The following F5 variants were observed in gnomAD, a reference collection of about 807,000 sequenced individuals.
The protein encoded by F5 is coagulation factor V.
A neutral mutation model predicts 216.4 loss-of-function variants in F5; 138 were observed. The ratio of observed to expected loss-of-function variants is 0.64; its 90% CI spans 0.56 to 0.73. The LOEUF is 0.73. Among genes scored for constraint, F5 ranks in the 30% least tolerant of loss-of-function variants. The pLI is 0.00. For missense variants in F5, 2,403 were observed against 2,674.0 expected (o/e 0.90, Z 2.24); for synonymous variants, 916 against 930.7 (o/e 0.98, Z 0.29).
rs750086339 is a variant in F5, at chr1:169,525,991, C to T, written c.5626G>A (p.Ala1876Thr). ...PGSFKTLEMK[A>T]SKPGWWLLNT... is the part of the protein sequence containing the mutation. ...AGGAGCCACCAGCCAGGTTTTGATG[C>T]CTTCATTTCAAGAGTTTTAAATGAA... The change falls in exon 18 of 25, where the codon GCA becomes ACA. Residue 1876 changes from alanine (A) to threonine (T), a missense_variant. Physicochemically the swap from Ala to Thr is moderately conservative, Grantham distance 58. Transcript: ENST00000367797. The T allele has an allele frequency of 1.9e-6, 3 of 1,612,648 alleles. No individual in the cohort carries two copies. Among genetic ancestry groups the T allele is most frequent in the South Asian group, 1.1e-5 (1 of 91,062 alleles).
rs554050262 is a variant in F5 at position 169,559,154 on chromosome 1, T to C, written c.729A>G (p.Pro243=). The C allele has an allele frequency of 6.2e-7, 1 of 1,613,796 alleles. No individual in the cohort carries two copies. Residue 243 remains proline (P), a splice_region_variant and synonymous_variant, in exon 5 of 25, where the codon CCA becomes CCG. Transcript: ENST00000367797. The stretch of plus-strand genomic sequence containing the variant: ...AATGGTACACAGCCCTCGTGTTACC[T>C]GGCATTGTCCCATTCACATATCCAT... ...TVNGYVNGTM[P]DITVCAHDHI... is the part of the protein sequence containing the mutation.
chr1:169,550,816 T>A, intron 8 of F5, 77 bp from the exon 9 acceptor site: 1 of 1,112,682 alleles, frequency 9.0e-7, no homozygotes, highest in Non-Finnish European at 1.4e-6. Flanking sequence ...GCTTTGCATA[T>A]TCACCTTTTG....
At position 169,556,528 on chromosome 1, in the gene F5, T is replaced by C. The variant is rs2239853; in HGVS notation, c.952+118A>G. 499,073 of 923,302 alleles carry C rather than the reference T, an allele frequency of 0.54. 140,743 individuals carry two copies. The highest frequency in any genetic ancestry group is 0.86 in the East Asian group (32,955 of 38,362). The allele number at this position is 923,302 out of a possible 1,614,324, so 57.2% of individuals were successfully genotyped here. A position where few individuals can be genotyped will look rare whatever the true frequency, so the allele number is the denominator to read the frequency against. ...ATATCTAAGTTTGGTTGTTAGGAAC[T>C]GAGGAAAGTTTGTCTGCGGTGCAGG... On this transcript the variant is annotated intron_variant, in intron 6 of 24. Transcript: ENST00000367797.
At chr1:169,539,454 T>C (rs969818671) in intron 13 of F5, among the ~76,000 whole-genome samples, 3 of 140,794 alleles carry the variant, frequency 2.1e-5, no homozygotes, top group South Asian at 2.1e-4. Context: ...TGCTTAGAAA[T>C]ACTCAGGTAG....
Position 169,555,295 on chromosome 1 carries a change from A to G in F5, c.1005T>C (p.Asn335=). The G allele has an allele frequency of 1.2e-6, 2 of 1,614,050 alleles. No homozygotes were observed. The highest frequency in any genetic ancestry group is 2.2e-5 in the South Asian group (2 of 91,080). Residue 335 remains asparagine, a synonymous_variant, in exon 7 of 25, where the codon AAT becomes AAC. Transcript: ENST00000367797. ...TCTGCTCACGAGTTATTTTCTTAAG[A>G]TTCCTGGTTTTCTTTGGGCAGTTTT... ...DIKNCPKKTR[N]LKKITREQRR...
intron 2 of F5, among the ~76,000 whole-genome samples, chr1:169,577,076 C>T (rs1660867769): frequency 6.6e-6 from 1 of 152,098 alleles, no homozygotes; most frequent in Admixed American, 6.6e-5. Flanking sequence ...CTCCAACAGC[C>T]AGATGGCCTA....
Position 169,549,803 on chromosome 1 carries a change from G to A in F5, c.1609C>T (p.Gln537Ter). Residue 537 changes from glutamine (Q) to a stop codon, truncating the protein, a stop_gained and splice_region_variant, in exon 10 of 25, where the codon CAG (glutamine) becomes TAG (stop). Transcript: ENST00000367797. LOFTEE classifies it high-confidence loss of function. ...KSRSLDRRGIQRAADIEQQAV... is the reference protein window; with the variant it reads ...KSRSLDRRGI ...AGGTTACTTCAAGGACAAAATACCT[G>A]TATTCCTCGCCTGTCCAGGGATCTG... The A allele has an allele frequency of 6.2e-7, 1 of 1,611,204 alleles. No homozygotes were observed. The highest frequency in any genetic ancestry group is 8.5e-7 in the Non-Finnish European group (1 of 1,177,412).
Position 169,529,180 on chromosome 1 carries a change from G to C in F5, c.5419+428C>G, listed in dbSNP as rs111476386. Among the ~76,000 whole-genome samples, 390 of 152,260 alleles carry C rather than the reference G, an allele frequency of 2.6e-3. 2 individuals are homozygous for C. The highest frequency in any genetic ancestry group is 8.5e-3 in the African/African-American group (353 of 41,554). ...GGGTGCCACCTGGTAGCTGCTGAGAGCTAAAACTGTTAGCGTCATTCTTAT... is the reference window on the plus strand; with the variant it reads ...GGGTGCCACCTGGTAGCTGCTGAGACCTAAAACTGTTAGCGTCATTCTTAT... On this transcript the variant is annotated intron_variant, in intron 16 of 24. Transcript: ENST00000367797.
At chr1:169,566,395 A>AT (rs1041843094) in intron 3 of F5, among the ~76,000 whole-genome samples, 29 of 151,870 alleles carry the variant, frequency 1.9e-4, no homozygotes, top group Admixed American at 5.3e-4. Flanking sequence ...TCCTCCCTTT[A>AT]TTTTTCTGGG....
intron 13 of F5, among the ~76,000 whole-genome samples, chr1:169,537,810 T>C (rs1259206805): frequency 2.0e-5 from 3 of 151,944 alleles, no homozygotes; most frequent in Non-Finnish European, 2.9e-5. Context: ...ATGGCTATTA[T>C]AAAAATGACA....
At position 169,518,399 on chromosome 1, in the gene F5, G is replaced by C. The variant is rs377357737; in HGVS notation, c.6345+13C>G. The C allele has an allele frequency of 3.1e-6, 5 of 1,613,434 alleles. No homozygotes were observed. The East Asian group carries it at 6.7e-5, about 22-fold the overall frequency. On this transcript the variant is annotated intron_variant, in intron 23 of 24. Coordinates refer to ENST00000367797, the MANE Select transcript of F5 (RefSeq NM_000130.5). Reference sequence around the variant, plus strand: ...GAGCCCTAAGAGAACACCATGCATAGAGTATACTTGACCTTGGCTTGCCAG... The same window carrying C: ...GAGCCCTAAGAGAACACCATGCATACAGTATACTTGACCTTGGCTTGCCAG...
intron 23 of F5, 105 bp from the exon 24 acceptor site, chr1:169,515,731 CTA>C: frequency 8.8e-7 from 1 of 1,131,288 alleles, no homozygotes; most frequent in Non-Finnish European, 1.3e-6. Flanking sequence ...GGATTTTGTT[CTA>C]TCTTATCCCT....
intron 2 of F5, among the ~76,000 whole-genome samples, chr1:169,575,771 G>A (rs1179235938): frequency 6.6e-6 from 1 of 152,046 alleles, no homozygotes; most frequent in Non-Finnish European, 1.5e-5. Context: ...CACCGTGGGA[G>A]GGCTTTGTTT....
intron 16 of F5, among the ~76,000 whole-genome samples, 195 bp from the exon 17 acceptor site, chr1:169,528,289 A>G (rs1659505981): frequency 6.6e-6 from 1 of 152,208 alleles, no homozygotes; most frequent in African/African-American, 2.4e-5. Flanking sequence ...AGTCCTTCTC[A>G]TATCATTCAC....
chr1:169,577,134 G>A (rs903225970), intron 2 of F5, among the ~76,000 whole-genome samples: 2 of 152,078 alleles, frequency 1.3e-5, no homozygotes, highest in Non-Finnish European at 2.9e-5. Flanking sequence ...ATTGGGGAAA[G>A]GAGTGGCCTA....
intron 19 of F5, 108 bp downstream of exon 19, chr1:169,524,729 T>C (rs1571561777): frequency 2.1e-6 from 2 of 965,188 alleles, no homozygotes; most frequent in East Asian, 4.9e-5. Flanking sequence ...GAGAAAAGCA[T>C]AAAGAGAAAA....
rs1433237467 is a variant in F5 at position 169,541,640 on chromosome 1, A to C, written c.3450T>G (p.Ser1150=). ...ACTCAAGCATTTCACTGAGCTCTGG[A>C]GAAGAGGATCTGTGACTGGGGTCTG... The part of the protein sequence containing the change: ...STSDPSHRSS[S]PELSEMLEYD... Residue 1150 remains serine, a synonymous_variant, in exon 13 of 25, where the codon TCT becomes TCG. Coordinates refer to ENST00000367797, the MANE Select transcript of F5 (RefSeq NM_000130.5). 1.9e-6 allele frequency: 3 copies of C among 1,614,112 alleles called. No individual in the cohort carries two copies. The Admixed American group carries it at 5.0e-5, about 27-fold the overall frequency.
chr1:169,516,407 A>G (rs1659155694), intron 23 of F5, among the ~76,000 whole-genome samples: 1 of 152,196 alleles, frequency 6.6e-6, no homozygotes, highest in Admixed American at 6.5e-5. Context: ...ACCTCATTCA[A>G]TTCTAAAGGA....
intron 2 of F5, among the ~76,000 whole-genome samples, chr1:169,574,693 T>A (rs920313131): frequency 1.3e-5 from 2 of 152,242 alleles, no homozygotes; most frequent in Admixed American, 6.5e-5. Flanking sequence ...CCTCATTTTA[T>A]AGGTGAGGAC....
Sources: gnomAD v4.1 joint callset for allele counts (sites outside exome capture counted in the v4.1 genomes callset) on GRCh38, gnomAD v4.1.1 for gene constraint, MANE v1.5 for transcripts, NCBI Gene and HGNC (gene_info 2026-07-23, HGNC 2026-07-21) for gene names.